Variants in DTL observed in about 807,000 individuals in gnomAD.
The protein encoded by DTL is denticleless E3 ubiquitin protein ligase adapter, also known as denticleless protein homolog.
In DTL, 46 loss-of-function variants were observed where a neutral mutation model predicts 87.0. The observed-to-expected ratio is 0.53, with a 90% CI of 0.42 to 0.68. DTL has a LOEUF of 0.68. Among genes scored for constraint, DTL ranks in the 30% least tolerant of loss-of-function variants. The pLI is 0.00. For missense variants in DTL, 737 were observed against 869.4 expected (o/e 0.85, Z 1.91); for synonymous variants, 308 against 311.2 (o/e 0.99, Z 0.11).
chr1:212,066,920 CTT>C, intron 8 of DTL, 35 bp downstream of exon 8: 1 of 1,550,110 alleles, frequency 6.5e-7, no homozygotes, highest in South Asian at 1.1e-5. Flanking sequence ...CCGACGAGAT[CTT>C]TTTTATGAGA....
At chr1:212,058,224 AC>A (rs1668237949) in intron 5 of DTL, among the ~76,000 whole-genome samples, 2 of 152,182 alleles carry the variant, frequency 1.3e-5, no homozygotes, top group South Asian at 4.1e-4. Context: ...TATTTACAGA[AC>A]ATTTCATCCA....
intron 13 of DTL, among the ~76,000 whole-genome samples, chr1:212,092,167 C>T (rs1655303606): frequency 6.6e-6 from 1 of 152,162 alleles, no homozygotes; most frequent in Non-Finnish European, 1.5e-5. Flanking sequence ...CCTTTGCGTC[C>T]TCATAGCTTA....
chr1:212,058,805 G>A (rs1019891428), intron 5 of DTL, among the ~76,000 whole-genome samples: 10 of 150,758 alleles, frequency 6.6e-5, no homozygotes, highest in African/African-American at 1.2e-4. Context: ...GACTAACCAC[G>A]AAAAAAAAGA....
chr1:212,048,189 T>TTTTG (rs1177830534), intron 5 of DTL, among the ~76,000 whole-genome samples: 5 of 152,198 alleles, frequency 3.3e-5, no homozygotes, highest in South Asian at 2.1e-4. Context: ...GTTTTTTGTT[T>TTTTG]TTTGTTTGTT....
At chr1:212,061,333 T>C (rs1239781563) in intron 5 of DTL, among the ~76,000 whole-genome samples, 3 of 152,038 alleles carry the variant, frequency 2.0e-5, no homozygotes, top group African/African-American at 7.2e-5. Context: ...TGTGAAAAAC[T>C]GCTCAACATG....
intron 5 of DTL, among the ~76,000 whole-genome samples, chr1:212,050,133 C>G (rs543872089): frequency 6.6e-6 from 1 of 152,226 alleles, no homozygotes; most frequent in Admixed American, 6.5e-5. Context: ...ATTGTGCCAT[C>G]ATACTCTAGC....
chr1:212,043,472 G>A (rs1667714212), intron 2 of DTL, among the ~76,000 whole-genome samples: 1 of 152,154 alleles, frequency 6.6e-6, no homozygotes, highest in East Asian at 1.9e-4. Context: ...GGGAATATAT[G>A]AACAGAAATA....
chr1:212,097,020 A>G lies in DTL; in HGVS notation c.1262-3232A>G, dbSNP rs1011094895. ...TCTAAGATTTAGAACTCCTTTTAGC[A>G]GTTTTTGTAAACTATGCTGGCTTGG... On this transcript the variant is annotated intron_variant, in intron 13 of 14. Transcript: ENST00000366991. 2.0e-5 allele frequency among the ~76,000 whole-genome samples: 3 copies of G among 152,142 alleles called. No individual in the cohort carries two copies. In the East Asian group the frequency reaches 5.8e-4, roughly 29 times the overall value.
In DTL at chr1:212,078,261, A is replaced by T; in HGVS notation, c.1124A>T (p.Lys375Met). The T allele has an allele frequency of 6.3e-7, 1 of 1,583,058 alleles. No individual in the cohort carries two copies. The highest frequency in any genetic ancestry group is 8.7e-7 in the Non-Finnish European group (1 of 1,152,466). The change falls in exon 12 of 15, where the codon AAG (lysine) becomes ATG (methionine). Residue 375 changes from lysine to methionine, a missense_variant and splice_region_variant. Lys to Met is a moderately conservative substitution (Grantham distance 95). Coordinates refer to ENST00000366991, the MANE Select transcript of DTL (RefSeq NM_016448.4). ...SVCWCPSDFT[K>M]IATCSDDNTL... Reference sequence around the variant, plus strand: ...TGCTGGTGTCCATCTGACTTCACAAAGGTTTGTAAATGAATCTCTATAGTT... The same window carrying T: ...TGCTGGTGTCCATCTGACTTCACAATGGTTTGTAAATGAATCTCTATAGTT...
intron 8 of DTL, among the ~76,000 whole-genome samples, chr1:212,067,165 TG>T (rs1460652514): frequency 1.3e-5 from 2 of 152,252 alleles, no homozygotes; most frequent in Non-Finnish European, 2.9e-5. Flanking sequence ...AGAAGCTGGC[TG>T]GGTAGCTTGC....
chr1:212,078,385 G>A, intron 12 of DTL, 123 bp downstream of exon 12: 1 of 635,400 alleles, frequency 1.6e-6, no homozygotes, highest in Non-Finnish European at 2.8e-6. Flanking sequence ...AAGACCTAAA[G>A]GCCATCCAGG....
chr1:212,062,351 C>T (rs983824244), intron 5 of DTL, among the ~76,000 whole-genome samples: 2 of 152,166 alleles, frequency 1.3e-5, no homozygotes, highest in African/African-American at 2.4e-5. Flanking sequence ...CCCATTGCAT[C>T]CCAGGCAACC....
At chr1:212,050,767 CTT>C (rs530380302) in intron 5 of DTL, among the ~76,000 whole-genome samples, 169 of 152,238 alleles carry the variant, frequency 1.1e-3, no homozygotes, top group African/African-American at 3.9e-3. Flanking sequence ...CCTGTGTTCT[CTT>C]TTAGTTGTTA....
At chr1:212,063,225 A>G (rs1654388185) in intron 6 of DTL, among the ~76,000 whole-genome samples, 1 of 152,080 alleles carries the variant, frequency 6.6e-6, no homozygotes, top group Non-Finnish European at 1.5e-5. Flanking sequence ...ACTTAAAAAT[A>G]TTAATACGCA....
intron 3 of DTL, among the ~76,000 whole-genome samples, chr1:212,046,049 T>TAC (rs1337311920): frequency 6.6e-6 from 1 of 152,164 alleles, no homozygotes; most frequent in Non-Finnish European, 1.5e-5. Context: ...GTGCTGGGAT[T>TAC]ACAGGTGTTA....
At position 212,045,399 on chromosome 1, in the gene DTL, A is replaced by G. The variant is rs529680387; in HGVS notation, c.277+641A>G. On this transcript the variant is annotated intron_variant, in intron 3 of 14. Transcript: ENST00000366991. ...TTTTTAGGATTAAAAACAATTCTTCAAAAAGTTAAATCTTTAACACTTAAT... is the reference window on the plus strand; with the variant it reads ...TTTTTAGGATTAAAAACAATTCTTCGAAAAGTTAAATCTTTAACACTTAAT... Among the ~76,000 whole-genome samples the G allele has an allele frequency of 8.5e-5, 13 of 152,362 alleles. No homozygotes were observed. The South Asian group carries it at 2.7e-3, about 32-fold the overall frequency.
At chr1:212,039,079 A>G (rs963607765) in intron 1 of DTL, among the ~76,000 whole-genome samples, 5 of 152,070 alleles carry the variant, frequency 3.3e-5, no homozygotes, top group Non-Finnish European at 7.4e-5. Context: ...AAGCTCTTTT[A>G]CTGATCACTC....
chr1:212,076,717 T>C (rs1425411450), intron 11 of DTL, among the ~76,000 whole-genome samples: 2 of 152,148 alleles, frequency 1.3e-5, no homozygotes, highest in African/African-American at 2.4e-5. Context: ...ACTGGGGCCA[T>C]CCCAAACAGA....
At chr1:212,077,061 T>TA (rs1198279164) in intron 11 of DTL, among the ~76,000 whole-genome samples, 3 of 152,168 alleles carry the variant, frequency 2.0e-5, no homozygotes, top group Non-Finnish European at 2.9e-5. Flanking sequence ...GGGGAATCTA[T>TA]TAAGTTTACT....
Sources: gnomAD v4.1 joint callset for allele counts (sites outside exome capture counted in the v4.1 genomes callset) on GRCh38, gnomAD v4.1.1 for gene constraint, MANE v1.5 for transcripts, NCBI Gene and HGNC (gene_info 2026-07-23, HGNC 2026-07-21) for gene names.